AGRN: variants seen among roughly 807,000 people sequenced by gnomAD.
AGRN encodes the protein agrin.
In AGRN, 106 loss-of-function variants were observed where a neutral mutation model predicts 211.0. That is an observed-to-expected ratio of 0.50 (90% CI 0.43 to 0.59). The LOEUF (loss-of-function observed/expected upper bound fraction) is 0.59. Among genes scored for constraint, AGRN ranks in the 20% least tolerant of loss-of-function variants. The pLI is 0.00. For synonymous variants in AGRN, 1,525 were observed against 1,332.5 expected (o/e 1.14, Z -3.15); for missense variants, 3,040 against 2,982.6 (o/e 1.02, Z -0.45).
intron 12 of AGRN, among the ~76,000 whole-genome samples, chr1:1,044,698 G>A (rs1003350108): frequency 2.0e-5 from 3 of 152,160 alleles, no homozygotes; most frequent in African/African-American, 4.8e-5. Context: ...GGGCCCCACC[G>A]TGTGGGCACT....
At chr1:1,050,194 C>G in intron 27 of AGRN, 39 bp from the exon 28 acceptor site, 1 of 1,610,552 alleles carries the variant, frequency 6.2e-7, no homozygotes, top group Non-Finnish European at 8.5e-7. Flanking sequence ...CAGGAGGCCC[C>G]GGGGGTCAGG....
In AGRN at chr1:1,050,715, C is replaced by T. The variant is rs767623227; in HGVS notation, c.5142-11C>T. The T allele has an allele frequency of 2.5e-6, 4 of 1,600,862 alleles. No homozygotes were observed. The highest frequency in any genetic ancestry group is 4.5e-5 in the East Asian group (2 of 44,468). ...TGGACAGAGCCCACTCACGCTGCCC[C>T]TCCTCACCAGGAGCAGGGAGCCAGT... is the stretch of plus-strand genomic sequence containing the variant. On this transcript the variant is annotated splice_polypyrimidine_tract_variant and intron_variant, in intron 29 of 35. Transcript: ENST00000379370.
chr1:1,049,036 G>T lies in AGRN; in HGVS notation c.4275G>T (p.Leu1425=). The change falls in exon 24 of 36, where the codon CTG becomes CTT. Residue 1425 remains leucine (L), a synonymous_variant. Transcript: ENST00000379370. ...ARGKDFLALA[L]LDGRVQLRFD... Reference sequence around the variant, plus strand: ...GCAAGGACTTCCTGGCATTGGCGCTGCTAGATGGCCGCGTGCAGCTCAGGT... The same window carrying T: ...GCAAGGACTTCCTGGCATTGGCGCTTCTAGATGGCCGCGTGCAGCTCAGGT... The T allele has an allele frequency of 1.3e-5, 20 of 1,569,568 alleles. No homozygotes were observed. Among genetic ancestry groups the T allele is most frequent in the Non-Finnish European group, 1.6e-5 (19 of 1,159,596 alleles).
Position 1,049,906 on chromosome 1 carries a change from C to A in AGRN, c.4748C>A (p.Pro1583Gln). 1 of 1,610,704 alleles carries A rather than the reference C, an allele frequency of 6.2e-7. No individual in the cohort carries two copies. Among genetic ancestry groups the A allele is most frequent in the Non-Finnish European group, 8.5e-7 (1 of 1,179,268 alleles). The change falls in exon 27 of 36, where the codon CCA (proline) becomes CAA (glutamine). Residue 1583 changes from proline to glutamine, a missense_variant. Physicochemically the swap from Pro to Gln is moderately conservative, Grantham distance 76. Transcript: ENST00000379370. ...GGTCCCGTCTTCCTCCATCCAGGAC[C>A]AACCTGTGCCGATGAGAAGAGCCCC... ...HCQCPPGRVGPTCADEKSPCQ... is the reference protein window; with the variant it reads ...HCQCPPGRVGQTCADEKSPCQ...
At position 1,049,919 on chromosome 1, in the gene AGRN, T is replaced by A. The variant is rs2100679771; in HGVS notation, c.4761T>A (p.Asp1587Glu). The A allele has an allele frequency of 1.2e-6, 2 of 1,609,886 alleles. No homozygotes were observed. The highest frequency in any genetic ancestry group is 1.1e-5 in the South Asian group (1 of 90,974). ...TCCATCCAGGACCAACCTGTGCCGA[T>A]GAGAAGAGCCCCTGCCAGCCCAACC... ...PPGRVGPTCA[D>E]EKSPCQPNPC... is the part of the protein sequence containing the mutation. The change falls in exon 27 of 36, where the codon GAT becomes GAA. Residue 1587 changes from aspartate to glutamate, a missense_variant. By Grantham distance (45) the Asp-to-Glu change is conservative. This residue lies in a region of AGRN where 1,537 missense variants were observed against 1,505.0 expected (regional missense o/e 1.02). Coordinates refer to ENST00000379370, the MANE Select transcript of AGRN (RefSeq NM_198576.4).
At chr1:1,026,168 G>GA (rs1644517463) in intron 2 of AGRN, among the ~76,000 whole-genome samples, 1 of 152,154 alleles carries the variant, frequency 6.6e-6, no homozygotes, top group Non-Finnish European at 1.5e-5. Context: ...AACAGCCCTG[G>GA]CTCCATTGTT....
rs145162376 is a variant in AGRN at position 1,045,843 on chromosome 1, G to A, written c.2647G>A (p.Gly883Ser). ...ACCCAAGTGTGGGCAGTGTCCAGAC[G>A]GCCGTGCCCTGGGCCCCGCGGGCTG... is the stretch of plus-strand genomic sequence containing the variant. ...AGPKCGQCPD[G>S]RALGPAGCEA... The change falls in exon 15 of 36, where the codon GGC becomes AGC. Residue 883 changes from glycine (G) to serine (S), a missense_variant. Around this residue, in one of 3 missense-constraint regions of AGRN, gnomAD observed 1,498 missense variants for 1,457.8 expected, o/e 1.03. Transcript: ENST00000379370. The A allele has an allele frequency of 8.8e-5, 142 of 1,611,966 alleles. No individual in the cohort carries two copies. The East Asian group carries it at 1.2e-3, about 14-fold the overall frequency.
At chr1:1,023,582 G>A (rs1476828593) in intron 2 of AGRN, among the ~76,000 whole-genome samples, 1 of 152,186 alleles carries the variant, frequency 6.6e-6, no homozygotes, top group African/African-American at 2.4e-5. Context: ...CAGGAGCTGA[G>A]GAGGGGCTGG....
At chr1:1,025,583 C>T (rs1644502967) in intron 2 of AGRN, among the ~76,000 whole-genome samples, 2 of 152,092 alleles carry the variant, frequency 1.3e-5, no homozygotes, top group African/African-American at 4.8e-5. Context: ...CCCTCTCCTG[C>T]CCCCTCCTGA....
At position 1,047,874 on chromosome 1, in the gene AGRN, C is replaced by T; in HGVS notation, c.3730C>T (p.His1244Tyr). ...GGGGGTGAGGCGGCCGCTGCAGGAG[C>T]ACGTGCGATTTATGGACTTTGGTGA... ...SLGVRRPLQE[H>Y]VRFMDFDWFP... is the part of the protein sequence containing the mutation. The change falls in exon 22 of 36, where the codon CAC (histidine) becomes TAC (tyrosine). Residue 1244 changes from histidine to tyrosine, a missense_variant. Transcript: ENST00000379370. The T allele has an allele frequency of 6.2e-7, 1 of 1,605,892 alleles. No homozygotes were observed. Among genetic ancestry groups the T allele is most frequent in the Non-Finnish European group, 8.5e-7 (1 of 1,177,188 alleles).
chr1:1,040,252 T>G (rs190690479), intron 3 of AGRN, among the ~76,000 whole-genome samples: 10 of 152,100 alleles, frequency 6.6e-5, no homozygotes, highest in Non-Finnish European at 1.2e-4. Flanking sequence ...TGGAAGGAGC[T>G]CCTGAGCAGA....
chr1:1,020,330 A>G lies in AGRN; in HGVS notation c.158A>G (p.Glu53Gly). Residue 53 changes from glutamate to glycine, a missense_variant, in exon 1 of 36, where the codon GAG (glutamate) becomes GGG (glycine). Physicochemically the swap from Glu to Gly is moderately conservative, Grantham distance 98. Transcript: ENST00000379370. The stretch of plus-strand genomic sequence containing the variant: ...GTGGTGCTCACCGGGACGGTGGAGG[A>G]GATCCTCAACGTGGACCCGGTGCAG... ...ANVVLTGTVE[E>G]ILNVDPVQHT... 6.7e-7 allele frequency: 1 copy of G among 1,493,696 alleles called. No homozygotes were observed. Among genetic ancestry groups the G allele is most frequent in the Non-Finnish European group, 8.9e-7 (1 of 1,120,332 alleles). 92.5% of individuals were successfully genotyped at this position (1,493,696 alleles called of 1,614,324 possible). A position where few individuals can be genotyped will look rare whatever the true frequency, so the allele number is the denominator to read the frequency against.
intron 1 of AGRN, 102 bp downstream of exon 1, chr1:1,020,475 C>G (rs1054551875): frequency 8.5e-7 from 1 of 1,171,454 alleles, no homozygotes; most frequent in Admixed American, 3.5e-5. Flanking sequence ...CCGCAGCCCC[C>G]GCTCCGGCTC....
chr1:1,050,166 C>A, intron 27 of AGRN, 67 bp from the exon 28 acceptor site: 1 of 1,598,352 alleles, frequency 6.3e-7, no homozygotes. Context: ...AGGATCCACA[C>A]ACGGCTGGCA....
At chr1:1,050,864 T>C in intron 30 of AGRN, 27 bp downstream of exon 30, 1 of 1,532,218 alleles carries the variant, frequency 6.5e-7, no homozygotes. Context: ...GCGAGGGGAC[T>C]CCCGCTGCTG....
intron 28 of AGRN, 36 bp downstream of exon 28, chr1:1,050,365 C>T: frequency 1.2e-6 from 2 of 1,612,718 alleles, no homozygotes; most frequent in Non-Finnish European, 1.7e-6. Context: ...GGGCCGGCCC[C>T]CACCTCCGTC....
chr1:1,049,079 GGCCGGGGCAGCTCAGGTGGGC>G lies in AGRN; in HGVS notation c.4298+22_4298+42del. The G allele has an allele frequency of 1.4e-6, 2 of 1,475,244 alleles. No individual in the cohort carries two copies. Among genetic ancestry groups the G allele is most frequent in the African/African-American group, 1.5e-5 (1 of 65,050 alleles). 91.4% of individuals were successfully genotyped at this position (1,475,244 alleles called of 1,614,324 possible). On this transcript the variant is annotated intron_variant, in intron 24 of 35. Transcript: ENST00000379370. ...GCTCAGGTGGGCGGGGAGGGGACGG[GGCCGGGGCAGCTCAGGTGGGC>G]GGGGAGGGGACGGGCGGGGGAGGGG...
intron 2 of AGRN, among the ~76,000 whole-genome samples, chr1:1,033,824 A>C (rs1328561627): frequency 3.9e-5 from 1 of 25,406 alleles, no homozygotes. Flanking sequence ...CCCCAGCCCC[A>C]GCCCCAGCCG....
intron 27 of AGRN, 38 bp from the exon 28 acceptor site, chr1:1,050,195 G>C (rs761862991): frequency 1.9e-6 from 3 of 1,609,628 alleles, no homozygotes; most frequent in Non-Finnish European, 2.5e-6. Context: ...AGGAGGCCCC[G>C]GGGGTCAGGA....
Sources: allele counts gnomAD v4.1 joint callset (sites outside exome capture counted in the v4.1 genomes callset), GRCh38; gene constraint gnomAD v4.1.1; regional missense constraint gnomAD v4.1.1; transcripts MANE v1.5; gene names NCBI Gene and HGNC (gene_info 2026-07-23, HGNC 2026-07-21).